The following TIAM2 variants were observed in gnomAD, a reference collection of about 807,000 sequenced individuals.
The protein encoded by TIAM2 is TIAM Rac1 associated GEF 2, also known as rho guanine nucleotide exchange factor TIAM2.
A neutral mutation model predicts 152.9 loss-of-function variants in TIAM2; 80 were observed. The ratio of observed to expected loss-of-function variants is 0.52; its 90% confidence interval spans 0.44 to 0.63. TIAM2 has a LOEUF of 0.63. Ranked by LOEUF, TIAM2 falls within the 30% of genes least tolerant of loss-of-function variation. The probability of loss-of-function intolerance (pLI) is 0.00; values close to 1 mark genes in which losing one functional copy is unlikely to be tolerated. For synonymous variants in TIAM2, 804 were observed against 838.0 expected (o/e 0.96, Z 0.70); for missense variants, 1,965 against 2,120.1 (o/e 0.93, Z 1.44).
chr6:154,996,680 C>T (rs1478912166), intron 1 of TIAM2, among the ~76,000 whole-genome samples: 1 of 152,122 alleles, frequency 6.6e-6, no homozygotes, highest in Non-Finnish European at 1.5e-5. Flanking sequence ...AAAAAAGTGT[C>T]CATGGTTTTA....
At chr6:155,204,100 A>T (rs1334174151) in intron 14 of TIAM2, among the ~76,000 whole-genome samples, 2 of 152,176 alleles carry the variant, frequency 1.3e-5, no homozygotes, top group African/African-American at 4.8e-5. Context: ...CATACATTGC[A>T]CATTGTTCGA....
chr6:155,183,387 C>A lies in TIAM2; in HGVS notation c.2951C>A (p.Ser984Tyr). ...PPDTKATLCT[S>Y]WSDSDLFSRD... Reference sequence around the variant, plus strand: ...GACACAAAAGCAACCCTGTGTACATCCTGGTCAGACAGTGACCTGTTCTCC... The same window carrying A: ...GACACAAAAGCAACCCTGTGTACATACTGGTCAGACAGTGACCTGTTCTCC... The change falls in exon 14 of 27, where the codon TCC becomes TAC. Residue 984 changes from serine (S) to tyrosine (Y), a missense_variant. By Grantham distance (144) the Ser-to-Tyr change is moderately radical. Coordinates refer to ENST00000682666, the MANE Select transcript of TIAM2 (RefSeq NM_012454.4). 1.2e-6 allele frequency: 2 copies of A among 1,613,498 alleles called. No homozygotes were observed. Among genetic ancestry groups the A allele is most frequent in the Non-Finnish European group, 1.7e-6 (2 of 1,179,820 alleles).
intron 2 of TIAM2, among the ~76,000 whole-genome samples, chr6:155,105,912 C>T (rs6914640): frequency 0.23 from 35,509 of 151,844 alleles, 4,436 homozygotes; most frequent in South Asian, 0.43. Flanking sequence ...ATCCTGTTCT[C>T]CTATTCATCA....
rs374701591 is a variant in TIAM2, at chr6:155,129,367, C to T, written c.144C>T (p.His48=). Reference sequence around the variant, plus strand: ...AAAAGTCATTGCATGGATGGGGTCACGGAAGCAACGGAGCAGGTTACAAGT... The same window carrying T: ...AAAAGTCATTGCATGGATGGGGTCATGGAAGCAACGGAGCAGGTTACAAGT... ...KEEKSLHGWG[H]GSNGAGYKSR... Residue 48 remains histidine, a synonymous_variant, in exon 4 of 27, where the codon CAC becomes CAT. Transcript: ENST00000682666. This position sits in a 1 kb window ranked among gnomAD's most constrained non-coding sequence, Gnocchi z 4.8. 89 of 1,613,998 alleles carry T rather than the reference C, an allele frequency of 5.5e-5. No individual in the cohort carries two copies. The highest frequency in any genetic ancestry group is 2.4e-4 in the African/African-American group (18 of 74,894).
chr6:155,125,708 C>T (rs920834309), intron 2 of TIAM2, among the ~76,000 whole-genome samples: 5 of 151,868 alleles, frequency 3.3e-5, no homozygotes, highest in African/African-American at 9.7e-5. Context: ...TGCAATGGTG[C>T]GCGCCTATAA....
intron 14 of TIAM2, among the ~76,000 whole-genome samples, chr6:155,196,772 C>T (rs1781355555): frequency 6.6e-6 from 1 of 152,306 alleles, no homozygotes; most frequent in East Asian, 1.9e-4. Context: ...TCATTTCAGA[C>T]AATTTAGTTC....
intron 1 of TIAM2, among the ~76,000 whole-genome samples, chr6:155,030,733 G>A (rs1248714741): frequency 2.6e-5 from 4 of 152,150 alleles, no homozygotes; most frequent in Admixed American, 6.6e-5. Flanking sequence ...TATCATGATG[G>A]AAATTATATT....
chr6:155,064,155 C>T (rs1777642253), intron 1 of TIAM2, among the ~76,000 whole-genome samples: 1 of 152,192 alleles, frequency 6.6e-6, no homozygotes, highest in Non-Finnish European at 1.5e-5. Context: ...TGACAATCTA[C>T]ACATTTACCT....
chr6:155,000,098 AC>A (rs1778288482), intron 1 of TIAM2, among the ~76,000 whole-genome samples: 1 of 152,240 alleles, frequency 6.6e-6, no homozygotes, highest in Admixed American at 6.5e-5. Flanking sequence ...GGCAGTGACT[AC>A]TTGGCCTGTG....
chr6:155,109,753 G>A (rs1052513190), intron 2 of TIAM2, among the ~76,000 whole-genome samples: 6 of 152,080 alleles, frequency 3.9e-5, no homozygotes, highest in African/African-American at 1.2e-4. Context: ...GAACTGAAGC[G>A]ACTTGTCCGA....
chr6:155,183,182 T>C (rs1780950759), intron 13 of TIAM2, 55 bp from the exon 14 acceptor site: 1 of 1,571,888 alleles, frequency 6.4e-7, no homozygotes, highest in East Asian at 2.3e-5. Context: ...CATCTGAAAA[T>C]ATTTCTCACA....
intron 16 of TIAM2, among the ~76,000 whole-genome samples, chr6:155,241,827 C>G (rs899217083): frequency 2.0e-5 from 3 of 152,150 alleles, no homozygotes; most frequent in Non-Finnish European, 2.9e-5. Context: ...AATCCCATCT[C>G]CACAGTCACC....
chr6:155,132,173 A>C (rs1779464601), intron 4 of TIAM2, among the ~76,000 whole-genome samples: 1 of 148,956 alleles, frequency 6.7e-6, no homozygotes, highest in Non-Finnish European at 1.5e-5. Context: ...ATAGGGGAGA[A>C]GCTTCTTTTT....
At chr6:154,999,940 G>GT (rs1413416291) in intron 1 of TIAM2, among the ~76,000 whole-genome samples, 1 of 152,054 alleles carries the variant, frequency 6.6e-6, no homozygotes, top group Non-Finnish European at 1.5e-5. Context: ...GCCTCCCAAA[G>GT]TGCTGGGATT....
intron 1 of TIAM2, among the ~76,000 whole-genome samples, chr6:155,019,732 G>A (rs1041432901): frequency 5.9e-5 from 9 of 152,162 alleles, no homozygotes; most frequent in African/African-American, 2.2e-4. Flanking sequence ...TTGCTTCCTC[G>A]TTTGCAGAAT....
chr6:155,254,408 C>A lies in TIAM2; in HGVS notation c.4314-11C>A, dbSNP rs1783871908. 4 of 1,610,236 alleles carry A rather than the reference C, an allele frequency of 2.5e-6. No individual in the cohort carries two copies. The highest frequency in any genetic ancestry group is 2.2e-5 in the East Asian group (1 of 44,784). On this transcript the variant is annotated splice_polypyrimidine_tract_variant and intron_variant, in intron 25 of 26. Coordinates refer to ENST00000682666, the MANE Select transcript of TIAM2 (RefSeq NM_012454.4). ...GGACACTTCTGCTGTTTTCTCTCCC[C>A]CCCCACCCAGTGACAGTGAAAGCAA...
At chr6:155,040,766 G>A (rs1489219253) in intron 1 of TIAM2, among the ~76,000 whole-genome samples, 2 of 152,080 alleles carry the variant, frequency 1.3e-5, no homozygotes, top group Non-Finnish European at 2.9e-5. Context: ...TGATCCACCC[G>A]CCTTGGCCTC....
At chr6:155,212,100 GTTTA>G (rs1187549982) in intron 15 of TIAM2, among the ~76,000 whole-genome samples, 1 of 152,096 alleles carries the variant, frequency 6.6e-6, no homozygotes, top group Non-Finnish European at 1.5e-5. Flanking sequence ...ACCACATTTT[GTTTA>G]TTCATTCATC....
intron 6 of TIAM2, among the ~76,000 whole-genome samples, chr6:155,146,034 A>G (rs987919786): frequency 6.6e-6 from 1 of 152,230 alleles, no homozygotes; most frequent in African/African-American, 2.4e-5. Flanking sequence ...TTAAATCTGC[A>G]TGGATTTCTT....
Sources: allele counts gnomAD v4.1 joint callset (sites outside exome capture counted in the v4.1 genomes callset), GRCh38; gene constraint gnomAD v4.1.1; non-coding constraint Gnocchi (gnomAD v3.1); transcripts MANE v1.5; gene names NCBI Gene and HGNC (gene_info 2026-07-23, HGNC 2026-07-21).